The following ATP13A5 variants were observed in gnomAD, a reference collection of about 807,000 sequenced individuals.
ATP13A5 encodes probable cation-transporting ATPase 13A5.
In ATP13A5, 149 loss-of-function variants were observed where a neutral mutation model predicts 150.2. That is an observed-to-expected ratio of 0.99 (90% CI 0.87 to 1.14). The LOEUF (loss-of-function observed/expected upper bound fraction) is 1.14. ATP13A5 is among the 50% of genes most tolerant of loss of function. The probability of loss-of-function intolerance (pLI) is 0.00; values close to 1 mark genes in which losing one functional copy is unlikely to be tolerated. For missense variants in ATP13A5, 1,383 were observed against 1,449.3 expected (o/e 0.95, Z 0.74); for synonymous variants, 497 against 522.2 (o/e 0.95, Z 0.66).
intron 1 of ATP13A5, among the ~76,000 whole-genome samples, chr3:193,373,675 G>A (rs1713532363): frequency 6.6e-6 from 1 of 151,898 alleles, no homozygotes; most frequent in Non-Finnish European, 1.5e-5. Flanking sequence ...TCCATATCTC[G>A]CATGTGGCCC....
chr3:193,347,127 G>A (rs747884524), intron 7 of ATP13A5, among the ~76,000 whole-genome samples: 33 of 152,122 alleles, frequency 2.2e-4, no homozygotes, highest in Non-Finnish European at 3.8e-4. Context: ...GATTTATTTT[G>A]CATGTCAGAG....
At chr3:193,324,311 C>T (rs565396114) in intron 14 of ATP13A5, among the ~76,000 whole-genome samples, 2 of 152,248 alleles carry the variant, frequency 1.3e-5, no homozygotes, top group East Asian at 3.9e-4. Context: ...CCACCAGCCA[C>T]TTGTAGCTAT....
chr3:193,299,183 A>G lies in ATP13A5; in HGVS notation c.2796T>C (p.Asn932=). Reference sequence around the variant, plus strand: ...CTACATCTTGCATGAGATACTGGTAATTTCCAAAGAGTTGTAGTTGCTGAA... The same window carrying G: ...CTACATCTTGCATGAGATACTGGTAGTTTCCAAAGAGTTGTAGTTGCTGAA... ...LLYWQLQLFG[N]YQYLMQDVAI... Residue 932 remains asparagine (N), a synonymous_variant, in exon 25 of 30, where the codon AAT becomes AAC. Transcript: ENST00000342358. 6.2e-7 allele frequency: 1 copy of G among 1,610,344 alleles called. No homozygotes were observed. The highest frequency in any genetic ancestry group is 8.5e-7 in the Non-Finnish European group (1 of 1,178,550).
intron 28 of ATP13A5, chr3:193,277,702 T>G (rs1717286904): frequency 6.6e-6 from 1 of 152,276 alleles, no homozygotes; most frequent in Admixed American, 6.5e-5. Context: ...ATTAAAGGGT[T>G]GTTTGGAAAA....
At position 193,294,635 on chromosome 3, in the gene ATP13A5, C is replaced by CA. The variant is rs558729889; in HGVS notation, c.2848+4495dup. ...GTATTGTCTCTTCCCAGAACCAAGT[C>CA]AGAGTTAAGGCCAAAAGCCTTAACC... On this transcript the variant is annotated intron_variant, in intron 25 of 29. Transcript: ENST00000342358. Among the ~76,000 whole-genome samples, 4 of 152,116 alleles carry CA rather than the reference C, an allele frequency of 2.6e-5. No individual in the cohort carries two copies. In the East Asian group the frequency reaches 7.8e-4, roughly 29 times the overall value.
At chr3:193,284,683 A>G (rs1423389815) in intron 27 of ATP13A5, among the ~76,000 whole-genome samples, 3 of 152,242 alleles carry the variant, frequency 2.0e-5, no homozygotes, top group African/African-American at 4.8e-5. Context: ...TTGATGACTC[A>G]CAATAGGACA....
intron 27 of ATP13A5, among the ~76,000 whole-genome samples, chr3:193,280,751 G>T (rs1349922397): frequency 6.6e-6 from 1 of 152,000 alleles, no homozygotes; most frequent in Non-Finnish European, 1.5e-5. Flanking sequence ...TCACCTTCAG[G>T]CCCAAACAAC....
intron 23 of ATP13A5, among the ~76,000 whole-genome samples, 193 bp from the exon 24 acceptor site, chr3:193,301,500 C>A (rs1718394515): frequency 6.6e-6 from 1 of 152,166 alleles, no homozygotes; most frequent in Non-Finnish European, 1.5e-5. Context: ...CTCATCGGTT[C>A]ATTTACTCAC....
chr3:193,284,427 A>C lies in ATP13A5; in HGVS notation c.3226+487T>G, dbSNP rs1717633027. Among the ~76,000 whole-genome samples the C allele has an allele frequency of 3.3e-5, 5 of 152,230 alleles. No individual in the cohort carries two copies. The South Asian group carries it at 1.0e-3, about 32-fold the overall frequency. On this transcript the variant is annotated intron_variant, in intron 27 of 29. Transcript: ENST00000342358. The stretch of plus-strand genomic sequence containing the variant: ...GTAAGATTTTTTGAGCCCCTATTAT[A>C]AGTGCCAGACCCTTTACATAAATTG...
chr3:193,311,232 C>A (rs574487525), intron 20 of ATP13A5, among the ~76,000 whole-genome samples: 1 of 152,296 alleles, frequency 6.6e-6, no homozygotes, highest in East Asian at 1.9e-4. Context: ...ATTCTGTGGA[C>A]TTTGACTGCT....
chr3:193,319,899 G>T (rs61348905), intron 16 of ATP13A5, among the ~76,000 whole-genome samples: 2,213 of 152,328 alleles, frequency 0.015, 45 homozygotes, highest in Admixed American at 0.052. Flanking sequence ...AGGCTTCAGT[G>T]ACAGTGTTGA....
At chr3:193,298,575 T>A (rs1436171879) in intron 25 of ATP13A5, among the ~76,000 whole-genome samples, 1 of 152,140 alleles carries the variant, frequency 6.6e-6, no homozygotes, top group Non-Finnish European at 1.5e-5. Flanking sequence ...TGCTCTCTGG[T>A]GAGGCAGTCA....
intron 24 of ATP13A5, 68 bp downstream of exon 24, chr3:193,301,143 A>C (rs1718381319): frequency 1.6e-6 from 2 of 1,220,744 alleles, no homozygotes; most frequent in Non-Finnish European, 2.4e-6. Flanking sequence ...TATAGGAGCT[A>C]CACCCTGAAT....
chr3:193,290,200 C>T (rs1717894566), intron 25 of ATP13A5, 141 bp from the exon 26 acceptor site: 9 of 762,026 alleles, frequency 1.2e-5, no homozygotes, highest in Admixed American at 6.8e-5. Context: ...CCTAGGTAAG[C>T]ACATTGCCTG....
chr3:193,314,092 C>A lies in ATP13A5; in HGVS notation c.2260G>T (p.Val754Phe). The change falls in exon 19 of 30, where the codon GTT (valine) becomes TTT (phenylalanine). Residue 754 changes from valine to phenylalanine, a missense_variant. Physicochemically the swap from Val to Phe is conservative, Grantham distance 50. Transcript: ENST00000342358. ...IVEADEPEEF[V>F]PASVTWQLVE... is the part of the protein sequence containing the mutation. ...AGCTGCCAGGTCACAGAGGCAGGAACAAATTCTTCTGGTTCATCGGCCTCA... is the reference window on the plus strand; with the variant it reads ...AGCTGCCAGGTCACAGAGGCAGGAAAAAATTCTTCTGGTTCATCGGCCTCA... 1.9e-6 allele frequency: 3 copies of A among 1,613,934 alleles called. No individual in the cohort carries two copies. Among genetic ancestry groups the A allele is most frequent in the Non-Finnish European group, 2.5e-6 (3 of 1,179,890 alleles).
chr3:193,368,660 A>G (rs549490305), intron 1 of ATP13A5, among the ~76,000 whole-genome samples: 8 of 152,320 alleles, frequency 5.3e-5, no homozygotes. Flanking sequence ...GAAAGGAGCC[A>G]CTGCAATCTG....
chr3:193,349,700 G>A (rs1011109931), intron 7 of ATP13A5, among the ~76,000 whole-genome samples: 5 of 152,032 alleles, frequency 3.3e-5, no homozygotes, highest in East Asian at 3.9e-4. Flanking sequence ...AATGAGACCC[G>A]GTTTTTTTAA....
intron 25 of ATP13A5, among the ~76,000 whole-genome samples, chr3:193,295,892 C>T (rs1718150831): frequency 6.6e-6 from 1 of 152,124 alleles, no homozygotes; most frequent in South Asian, 2.1e-4. Flanking sequence ...GTTTTCTTCT[C>T]AGCATCACCA....
intron 25 of ATP13A5, among the ~76,000 whole-genome samples, chr3:193,290,372 GAGGGAAA>G (rs1717904143): frequency 6.6e-6 from 1 of 152,130 alleles, no homozygotes; most frequent in Non-Finnish European, 1.5e-5. Flanking sequence ...GTGTGTAAAA[GAGGGAAA>G]TGGCCTTGCT....
Sources: gnomAD v4.1 joint callset for allele counts (sites outside exome capture counted in the v4.1 genomes callset) on GRCh38, gnomAD v4.1.1 for gene constraint, MANE v1.5 for transcripts, NCBI Gene and HGNC (gene_info 2026-07-23, HGNC 2026-07-21) for gene names.